LOXHD1: variants seen among roughly 807,000 people sequenced by gnomAD.
The protein encoded by LOXHD1 is lipoxygenase homology domain-containing protein 1.
Under a neutral mutation model 248.2 loss-of-function variants are expected in LOXHD1, and 205 were observed. The ratio of observed to expected loss-of-function variants is 0.83; its 90% CI spans 0.74 to 0.93. The LOEUF (loss-of-function observed/expected upper bound fraction) is 0.93, where lower values mean the gene tolerates loss of function less well. LOXHD1 is among the 40% of genes least tolerant of loss of function. LOXHD1 has a pLI of 0.00. For synonymous variants in LOXHD1, 1,113 were observed against 1,162.8 expected (o/e 0.96, Z 0.87); for missense variants, 2,930 against 2,971.6 (o/e 0.99, Z 0.33).
intron 4 of LOXHD1, among the ~76,000 whole-genome samples, chr18:46,627,784 G>A (rs2038763790): frequency 6.6e-6 from 1 of 152,140 alleles, no homozygotes; most frequent in African/African-American, 2.4e-5. Context: ...CCTCACCCAT[G>A]AAGACTCAGT....
At chr18:46,574,615 T>TA (rs534992278) in intron 14 of LOXHD1, among the ~76,000 whole-genome samples, 13,958 of 122,926 alleles carry the variant, frequency 0.11, 761 homozygotes, top group African/African-American at 0.14. Flanking sequence ...ACCCATTTTC[T>TA]AAAAAAAAAA....
At chr18:46,567,957 C>G (rs1467434262) in intron 16 of LOXHD1, among the ~76,000 whole-genome samples, 1 of 152,198 alleles carries the variant, frequency 6.6e-6, no homozygotes, top group Non-Finnish European at 1.5e-5. Flanking sequence ...TCTAACTTAC[C>G]CGCCAGCTGC....
In LOXHD1 at chr18:46,477,752, G is replaced by T; in HGVS notation, c.6542C>A (p.Ala2181Asp). Residue 2181 changes from alanine (A) to aspartate (D), a missense_variant, in exon 41 of 41, where the codon GCC becomes GAC. By Grantham distance (126) the Ala-to-Asp change is moderately radical (BLOSUM62 -2). Coordinates refer to ENST00000642948, the MANE Select transcript of LOXHD1 (RefSeq NM_001384474.1). ...DANVFVTIFG[A>D]NGDTGKRELK... ...CTCCCGCTTGCCTGTGTCTCCGTTG[G>T]CCCCAAAGATGGTCACGAAGACGTT... The T allele has an allele frequency of 6.4e-7, 1 of 1,551,916 alleles. No individual in the cohort carries two copies. The highest frequency in any genetic ancestry group is 1.4e-5 in the African/African-American group (1 of 73,190).
intron 25 of LOXHD1, 150 bp downstream of exon 25, chr18:46,541,626 A>T: frequency 1.3e-6 from 1 of 763,568 alleles, no homozygotes. Context: ...GCCCCCACAG[A>T]GTCAGAAAAT....
Position 46,579,804 on chromosome 18 carries a change from A to T in LOXHD1, c.1655-20T>A, listed in dbSNP as rs1056461483. 6.5e-7 allele frequency: 1 copy of T among 1,547,352 alleles called. No individual in the cohort carries two copies. Among genetic ancestry groups the T allele is most frequent in the African/African-American group, 1.4e-5 (1 of 72,950 alleles). On this transcript the variant is annotated intron_variant, in intron 12 of 40. Transcript: ENST00000642948. ...GGGCCACTGGCAGGCAGAGAGAGGG[A>T]CATCATTGCTGACAGCCCCCTGCTT...
intron 1 of LOXHD1, among the ~76,000 whole-genome samples, chr18:46,654,997 T>C (rs938634247): frequency 5.9e-5 from 9 of 152,182 alleles, no homozygotes; most frequent in African/African-American, 2.2e-4. Flanking sequence ...GCAAGTTACT[T>C]AACTTCTCTG....
intron 40 of LOXHD1, among the ~76,000 whole-genome samples, chr18:46,478,399 GTATC>G (rs1186594870): frequency 6.6e-6 from 1 of 152,058 alleles, no homozygotes; most frequent in Admixed American, 6.5e-5. Flanking sequence ...AAACTGTCTA[GTATC>G]TATCTGCCCT....
At chr18:46,487,529 T>A (rs967330742) in intron 38 of LOXHD1, among the ~76,000 whole-genome samples, 4 of 152,144 alleles carry the variant, frequency 2.6e-5, no homozygotes, top group Non-Finnish European at 5.9e-5. Context: ...AGGCCCACGG[T>A]TTACGCTGAG....
intron 4 of LOXHD1, among the ~76,000 whole-genome samples, chr18:46,632,027 G>A (rs115065008): frequency 4.7e-4 from 71 of 152,310 alleles, no homozygotes; most frequent in African/African-American, 1.7e-3. Flanking sequence ...TGAGAAATGG[G>A]AGCTGCTAGC....
At chr18:46,630,906 T>A (rs754613854) in intron 4 of LOXHD1, among the ~76,000 whole-genome samples, 1 of 151,910 alleles carries the variant, frequency 6.6e-6, no homozygotes, top group Non-Finnish European at 1.5e-5. Flanking sequence ...GGTAAGAAGA[T>A]GAGAAAACAG....
chr18:46,646,874 A>G (rs1326886043), intron 2 of LOXHD1, among the ~76,000 whole-genome samples: 1 of 152,200 alleles, frequency 6.6e-6, no homozygotes, highest in Non-Finnish European at 1.5e-5. Flanking sequence ...ACTGGGAGAG[A>G]TGCTGGCAGC....
chr18:46,536,683 T>C (rs1161122866), intron 26 of LOXHD1, among the ~76,000 whole-genome samples: 1 of 152,174 alleles, frequency 6.6e-6, no homozygotes, highest in Non-Finnish European at 1.5e-5. Context: ...GATGTTAGCT[T>C]TGTGTGGATT....
In LOXHD1 at chr18:46,560,352, C is replaced by G; in HGVS notation, c.2792G>C (p.Arg931Pro). 1 of 1,552,578 alleles carries G rather than the reference C, an allele frequency of 6.4e-7. No individual in the cohort carries two copies. The highest frequency in any genetic ancestry group is 1.4e-5 in the African/African-American group (1 of 73,232). The change falls in exon 19 of 41, where the codon CGG (arginine) becomes CCG (proline). Residue 931 changes from arginine to proline, a missense_variant. Physicochemically the swap from Arg to Pro is moderately radical, Grantham distance 103 (BLOSUM62 -2). Coordinates refer to ENST00000642948, the MANE Select transcript of LOXHD1 (RefSeq NM_001384474.1). Reference sequence around the variant, plus strand: ...CTTCCTCTGCAGCTTGGCCTTCAGCCGCTCCTTCTTGAGCAGCTGCCGCAG... The same window carrying G: ...CTTCCTCTGCAGCTTGGCCTTCAGCGGCTCCTTCTTGAGCAGCTGCCGCAG... ...DKLRQLLKKERLKAKLQRKKK... is the reference protein window; with the variant it reads ...DKLRQLLKKEPLKAKLQRKKK...
chr18:46,629,100 C>T (rs530839454), intron 4 of LOXHD1, among the ~76,000 whole-genome samples: 4 of 152,256 alleles, frequency 2.6e-5, no homozygotes, highest in East Asian at 1.9e-4. Flanking sequence ...CTGACCTCTC[C>T]GTCTCCCTTT....
intron 12 of LOXHD1, among the ~76,000 whole-genome samples, chr18:46,584,360 C>T (rs1006566080): frequency 5.3e-5 from 8 of 151,924 alleles, no homozygotes; most frequent in Admixed American, 2.6e-4. Flanking sequence ...TTGTATATCA[C>T]AAAATAGCTA....
chr18:46,512,352 T>C (rs11662957), intron 34 of LOXHD1, among the ~76,000 whole-genome samples: 77,169 of 151,602 alleles, frequency 0.51, 22,031 homozygotes, highest in East Asian at 0.66. Flanking sequence ...GAGGGCCATT[T>C]CCCAAACCCC....
intron 12 of LOXHD1, among the ~76,000 whole-genome samples, chr18:46,580,720 A>T: frequency 6.6e-6 from 1 of 152,380 alleles, no homozygotes; most frequent in Non-Finnish European, 1.5e-5. Flanking sequence ...AAGATAACAC[A>T]GTGGAGGGAC....
rs1598958911 is a variant in LOXHD1 at position 46,542,751 on chromosome 18, C to T, written c.3724G>A (p.Val1242Ile). Residue 1242 changes from valine to isoleucine, a missense_variant, in exon 24 of 41, where the codon GTC (valine) becomes ATC (isoleucine). Physicochemically the swap from Val to Ile is conservative, Grantham distance 29 (BLOSUM62 3). Transcript: ENST00000642948. The stretch of plus-strand genomic sequence containing the variant: ...CCTGTGTTGTCATGGCCAAGCCGGA[C>T]TTTCCACAGGTCTCCCAGATCCAGC... The part of the protein sequence containing the change: ...ETLDLGDLWK[V>I]RLGHDNTGKA... 1.9e-6 allele frequency: 3 copies of T among 1,551,698 alleles called. No individual in the cohort carries two copies. Among genetic ancestry groups the T allele is most frequent in the Non-Finnish European group, 2.6e-6 (3 of 1,146,994 alleles).
chr18:46,557,233 G>A lies in LOXHD1; in HGVS notation c.3350+123C>T. 3 of 996,194 alleles carry A rather than the reference G, an allele frequency of 3.0e-6. No homozygotes were observed. In the South Asian group the frequency reaches 4.4e-5, roughly 14 times the overall value. The allele number at this position is 996,194 out of a possible 1,614,324, so 61.7% of individuals were successfully genotyped here. A position where few individuals can be genotyped will look rare whatever the true frequency, so the allele number is the denominator to read the frequency against. On this transcript the variant is annotated intron_variant, in intron 21 of 40. Coordinates refer to ENST00000642948, the MANE Select transcript of LOXHD1 (RefSeq NM_001384474.1). ...ACACCTCACCCTTAGGTGTCACCCA[G>A]CCCACCCTCACCCTCCACCGTCACA...
Sources: gnomAD v4.1 joint callset for allele counts (sites outside exome capture counted in the v4.1 genomes callset) on GRCh38, gnomAD v4.1.1 for gene constraint, MANE v1.5 for transcripts, NCBI Gene and HGNC (gene_info 2026-07-23, HGNC 2026-07-21) for gene names.